CDH4: variants seen among roughly 807,000 people sequenced by gnomAD.
CDH4 encodes the protein cadherin-4.
A neutral mutation model predicts 86.0 loss-of-function variants in CDH4; 33 were observed. The observed-to-expected ratio is 0.38, with a 90% CI of 0.29 to 0.51. The LOEUF (loss-of-function observed/expected upper bound fraction) is 0.51, where lower values mean the gene tolerates loss of function less well. CDH4 is among the 20% of genes least tolerant of loss of function. The pLI, the probability that CDH4 is intolerant of heterozygous loss-of-function variation, is 0.86. For missense variants in CDH4, 1,114 were observed against 1,307.4 expected (o/e 0.85, Z 2.28); for synonymous variants, 555 against 549.4 (o/e 1.01, Z -0.14).
chr20:61,768,432 AG>A (rs1190554913), intron 3 of CDH4, among the ~76,000 whole-genome samples: 1 of 152,162 alleles, frequency 6.6e-6, no homozygotes, highest in Non-Finnish European at 1.5e-5. Context: ...TGTACTATCT[AG>A]TTTCTGGTAA....
intron 7 of CDH4, among the ~76,000 whole-genome samples, chr20:61,877,834 T>C (rs1984101755): frequency 6.6e-6 from 1 of 152,066 alleles, no homozygotes; most frequent in Admixed American, 6.5e-5. Context: ...CAGGGGACGG[T>C]CATGGGGCTG....
rs180700014 is a variant in CDH4, at chr20:61,647,704, A to G, written c.170-95859A>G. 2.4e-3 allele frequency among the ~76,000 whole-genome samples: 361 copies of G among 152,192 alleles called. 2 individuals are homozygous for G. Among genetic ancestry groups the G allele is most frequent in the Admixed American group, 4.0e-3 (61 of 15,298 alleles). On this transcript the variant is annotated intron_variant, in intron 2 of 15. Coordinates refer to ENST00000614565, the MANE Select transcript of CDH4 (RefSeq NM_001794.5). ...GGTTTTCCAAATGTGGAGAAGAGCC[A>G]GGCTGGTGTTCTGTGTCTGTGGGGT...
intron 4 of CDH4, among the ~76,000 whole-genome samples, chr20:61,788,208 C>T (rs894825351): frequency 2.0e-5 from 3 of 152,120 alleles, no homozygotes; most frequent in South Asian, 2.1e-4. Flanking sequence ...CATCTGTGAC[C>T]CTTGAGGAAT....
intron 4 of CDH4, among the ~76,000 whole-genome samples, chr20:61,795,263 T>TC: frequency 6.7e-6 from 1 of 148,602 alleles, no homozygotes; most frequent in Non-Finnish European, 1.5e-5. Flanking sequence ...ATCCTAAGTT[T>TC]AGTCCTCATA....
At chr20:61,539,718 T>G (rs1242566769) in intron 2 of CDH4, among the ~76,000 whole-genome samples, 2 of 152,202 alleles carry the variant, frequency 1.3e-5, no homozygotes, top group Non-Finnish European at 2.9e-5. Context: ...AGCATTGGCT[T>G]GGGGCTCCTG....
At chr20:61,932,575 G>A (rs1203056645) in intron 13 of CDH4, among the ~76,000 whole-genome samples, 1 of 149,472 alleles carries the variant, frequency 6.7e-6, no homozygotes, top group African/African-American at 2.5e-5. Context: ...GAACACACGA[G>A]CACACACACA....
At chr20:61,741,213 A>T (rs1425451649) in intron 2 of CDH4, among the ~76,000 whole-genome samples, 2 of 151,658 alleles carry the variant, frequency 1.3e-5, no homozygotes, top group African/African-American at 2.4e-5. Context: ...CATCTCAAAA[A>T]ACAACAACAA....
intron 9 of CDH4, among the ~76,000 whole-genome samples, chr20:61,911,153 C>T (rs889185762): frequency 6.6e-6 from 1 of 152,186 alleles, no homozygotes; most frequent in Non-Finnish European, 1.5e-5. Context: ...TTTCGTCACA[C>T]TGTGCTGTGA....
chr20:61,867,968 C>T (rs920385952), intron 6 of CDH4, among the ~76,000 whole-genome samples: 2 of 152,236 alleles, frequency 1.3e-5, no homozygotes, highest in African/African-American at 4.8e-5. Context: ...GCAAAAACTC[C>T]ACCACATGGA....
At position 61,924,413 on chromosome 20, in the gene CDH4, G is replaced by A; in HGVS notation, c.1708G>A (p.Asp570Asn). Residue 570 changes from aspartate (D) to asparagine (N), a missense_variant, in exon 11 of 16, where the codon GAC (aspartate) becomes AAC (asparagine). Physicochemically the swap from Asp to Asn is conservative, Grantham distance 23. Transcript: ENST00000614565. ...NGQITTAAVL[D>N]RESLYTKNNV... ...CCAGATCACCACGGCGGCAGTGCTG[G>A]ACCGTGAGTCCCTCTACACCAAAAA... The A allele has an allele frequency of 1.2e-6, 2 of 1,613,926 alleles. No homozygotes were observed. Among genetic ancestry groups the A allele is most frequent in the Non-Finnish European group, 1.7e-6 (2 of 1,179,980 alleles).
At chr20:61,408,431 G>A (rs948406717) in intron 2 of CDH4, among the ~76,000 whole-genome samples, 1 of 152,284 alleles carries the variant, frequency 6.6e-6, no homozygotes, top group Admixed American at 6.5e-5. Flanking sequence ...ACAGGCACAT[G>A]CATGAGTAAA....
chr20:61,901,696 G>A (rs930590346), intron 8 of CDH4, among the ~76,000 whole-genome samples: 1 of 152,256 alleles, frequency 6.6e-6, no homozygotes, highest in African/African-American at 2.4e-5. Context: ...GGCTGGGAAC[G>A]TCAAGGCCTC....
chr20:61,628,947 G>T (rs913356687), intron 2 of CDH4, among the ~76,000 whole-genome samples: 1 of 152,232 alleles, frequency 6.6e-6, no homozygotes, highest in East Asian at 1.9e-4. Flanking sequence ...CTGGCCGTGC[G>T]CTGCATACAG....
intron 2 of CDH4, among the ~76,000 whole-genome samples, chr20:61,599,151 C>G (rs2145742011): frequency 6.6e-6 from 1 of 152,322 alleles, no homozygotes; most frequent in Middle Eastern, 3.4e-3. Flanking sequence ...TGGTGCTGCC[C>G]CTAGAGGTCG....
chr20:61,932,515 A>G (rs2055123395), intron 13 of CDH4, among the ~76,000 whole-genome samples: 1 of 152,154 alleles, frequency 6.6e-6, no homozygotes, highest in Non-Finnish European at 1.5e-5. Context: ...GTACACATGG[A>G]CACATGCACA....
chr20:61,585,776 GGTGATT>G (rs1286100634), intron 2 of CDH4, among the ~76,000 whole-genome samples: 3 of 27,334 alleles, frequency 1.1e-4, no homozygotes, highest in Non-Finnish European at 2.8e-4. Flanking sequence ...TGATGGTGAT[GGTGATT>G]GTGATGGTGA....
chr20:61,543,777 A>G (rs922533515), intron 2 of CDH4, among the ~76,000 whole-genome samples: 22 of 152,176 alleles, frequency 1.4e-4, no homozygotes, highest in Admixed American at 1.2e-3. Context: ...GCCTCCTGCA[A>G]CGTTCATTTC....
At chr20:61,629,552 T>G (rs1270488209) in intron 2 of CDH4, among the ~76,000 whole-genome samples, 1 of 152,218 alleles carries the variant, frequency 6.6e-6, no homozygotes. Flanking sequence ...ATATTTCTTT[T>G]TAAGTTAAAG....
chr20:61,309,793 A>AT (rs11480759), intron 2 of CDH4, among the ~76,000 whole-genome samples: 146,704 of 152,262 alleles, frequency 0.96, 70,870 homozygotes, highest in East Asian at 1. Flanking sequence ...GGCCCTGTCT[A>AT]AGTGGTGAAC....
Sources: gnomAD v4.1 joint callset for allele counts (sites outside exome capture counted in the v4.1 genomes callset) on GRCh38, gnomAD v4.1.1 for gene constraint, MANE v1.5 for transcripts, NCBI Gene and HGNC (gene_info 2026-07-23, HGNC 2026-07-21) for gene names.